LIG1: variants seen among roughly 807,000 people sequenced by gnomAD.
LIG1 encodes the protein ligase I, DNA, ATP-dependent.
Under a neutral mutation model 115.7 loss-of-function variants are expected in LIG1, and 70 were observed. The ratio of observed to expected loss-of-function variants is 0.60; its 90% CI spans 0.50 to 0.74. The LOEUF (loss-of-function observed/expected upper bound fraction) is 0.74, where lower values mean the gene tolerates loss of function less well. Among genes scored for constraint, LIG1 ranks in the 30% least tolerant of loss-of-function variants. LIG1 has a pLI of 0.00. For missense variants in LIG1, 1,115 were observed against 1,225.6 expected (o/e 0.91, Z 1.35); for synonymous variants, 487 against 495.3 (o/e 0.98, Z 0.22).
chr19:48,162,432 CCTTTTTT>C, intron 2 of LIG1, 81 bp from the exon 3 acceptor site: 1 of 921,710 alleles, frequency 1.1e-6, no homozygotes, highest in Admixed American at 2.5e-5. Context: ...CCTATAACTT[CCTTTTTT>C]TTTTTTTTTT....
intron 26 of LIG1, among the ~76,000 whole-genome samples, chr19:48,116,362 C>T (rs541929827): frequency 3.4e-5 from 5 of 145,428 alleles, no homozygotes; most frequent in South Asian, 4.4e-4. Flanking sequence ...AGGAGAATGG[C>T]GTGAATCCGG....
intron 4 of LIG1, among the ~76,000 whole-genome samples, chr19:48,157,791 C>T (rs2035943783): frequency 6.6e-6 from 1 of 152,220 alleles, no homozygotes; most frequent in Non-Finnish European, 1.5e-5. Flanking sequence ...AAGCGATCCT[C>T]CCGCCTTGGC....
At chr19:48,150,239 C>T (rs1279071274) in intron 7 of LIG1, 29 bp from the exon 8 acceptor site, 1 of 1,613,766 alleles carries the variant, frequency 6.2e-7, no homozygotes, top group Non-Finnish European at 8.5e-7. Context: ...GACGGTGATG[C>T]AAACTCTTTG....
intron 20 of LIG1, 160 bp downstream of exon 20, chr19:48,127,750 C>A (rs988629183): frequency 1.8e-5 from 14 of 758,402 alleles, no homozygotes; most frequent in Non-Finnish European, 2.9e-5. Context: ...GATGAGAATG[C>A]GATGGCTGGA....
At chr19:48,143,408 TC>T (rs1262416056) in intron 11 of LIG1, 134 bp downstream of exon 11, 3 of 841,634 alleles carry the variant, frequency 3.6e-6, no homozygotes, top group Non-Finnish European at 6.2e-6. Context: ...ATGTCTGACA[TC>T]CATGATCATA....
intron 2 of LIG1, 47 bp from the exon 3 acceptor site, chr19:48,162,398 A>G (rs1230806178): frequency 2.8e-5 from 37 of 1,333,246 alleles, no homozygotes; most frequent in Non-Finnish European, 3.9e-5. Context: ...AACAGCACCA[A>G]TACCCTGCCT....
chr19:48,149,137 G>A (rs997464870), intron 9 of LIG1, among the ~76,000 whole-genome samples: 5 of 152,274 alleles, frequency 3.3e-5, no homozygotes, highest in Non-Finnish European at 7.4e-5. Context: ...CGGTGAAACT[G>A]TGTCTCTACT....
At chr19:48,131,217 T>A in intron 18 of LIG1, 46 bp from the exon 19 acceptor site, 6 of 1,443,880 alleles carry the variant, frequency 4.2e-6, no homozygotes, top group Non-Finnish European at 5.8e-6. Flanking sequence ...AGTCCCCTCA[T>A]GTGGCCTCAG....
At chr19:48,151,366 G>T in intron 6 of LIG1, 27 bp from the exon 7 acceptor site, 1 of 1,422,186 alleles carries the variant, frequency 7.0e-7, no homozygotes, top group Non-Finnish European at 1.0e-6. Flanking sequence ...CGGTCAGATG[G>T]CAAAAAAATC....
chr19:48,166,815 A>G (rs1487446286), intron 1 of LIG1, among the ~76,000 whole-genome samples: 1 of 151,830 alleles, frequency 6.6e-6, no homozygotes, highest in East Asian at 1.9e-4. Flanking sequence ...TACTAAAAAT[A>G]CAAAAATTAG....
chr19:48,137,089 A>T lies in LIG1; in HGVS notation c.1255-5T>A, dbSNP rs2034440947. 1 of 1,611,806 alleles carries T rather than the reference A, an allele frequency of 6.2e-7. No individual in the cohort carries two copies. The highest frequency in any genetic ancestry group is 2.2e-5 in the East Asian group (1 of 44,816). On this transcript the variant is annotated splice_polypyrimidine_tract_variant and splice_region_variant and intron_variant, in intron 13 of 27. Transcript: ENST00000263274. This position sits in a 1 kb window ranked among gnomAD's most constrained non-coding sequence, Gnocchi z 4.3. ...GTCTATCTTCTTGGCTGTGGACTGGAGAGTCAGGGGAAGAGCCGTCAGTGC... is the reference window on the plus strand; with the variant it reads ...GTCTATCTTCTTGGCTGTGGACTGGTGAGTCAGGGGAAGAGCCGTCAGTGC...
At chr19:48,154,817 C>A (rs1405794079) in intron 5 of LIG1, among the ~76,000 whole-genome samples, 1 of 152,196 alleles carries the variant, frequency 6.6e-6, no homozygotes, top group East Asian at 1.9e-4. Flanking sequence ...ATGGCTGGCA[C>A]TGTCTCTCCC....
At position 48,150,113 on chromosome 19, in the gene LIG1, A is replaced by AC. The variant is rs2035373880; in HGVS notation, c.671_672insG (p.Pro225SerfsTer34). 6.2e-7 allele frequency: 1 copy of AC among 1,613,950 alleles called. No homozygotes were observed. Among genetic ancestry groups the AC allele is most frequent in the African/African-American group, 1.3e-5 (1 of 74,900 alleles). ...TGAAGAAGCTGCTGAGCGTCTTGGG[A>AC]GCTCTGCGGGGAGGCTTGGTCTGCT... is the stretch of plus-strand genomic sequence containing the variant. On this transcript the variant is annotated frameshift_variant, in exon 8 of 28. Coordinates refer to ENST00000263274, the MANE Select transcript of LIG1 (RefSeq NM_000234.3). LOFTEE classifies it high-confidence loss of function.
At chr19:48,155,996 G>A (rs1051255397) in intron 5 of LIG1, among the ~76,000 whole-genome samples, 26 of 152,166 alleles carry the variant, frequency 1.7e-4, no homozygotes, top group Non-Finnish European at 3.4e-4. Flanking sequence ...TAGACCGGAC[G>A]GCAAGGGCTC....
intron 2 of LIG1, among the ~76,000 whole-genome samples, chr19:48,163,071 C>G (rs546742873): frequency 2.0e-5 from 3 of 151,592 alleles, no homozygotes; most frequent in Non-Finnish European, 4.4e-5. Context: ...CCCACCACAA[C>G]GCCCAGCTAA....
chr19:48,123,020 A>G lies in LIG1; in HGVS notation c.2150-4T>C. On this transcript the variant is annotated splice_polypyrimidine_tract_variant and splice_region_variant and intron_variant, in intron 22 of 27. Transcript: ENST00000263274. Reference sequence around the variant, plus strand: ...ACCATCAGCCCCTCGCAGGAGTCTGAGGGAGACACAGAAGCGTGGTCCTTG... The same window carrying G: ...ACCATCAGCCCCTCGCAGGAGTCTGGGGGAGACACAGAAGCGTGGTCCTTG... The G allele has an allele frequency of 6.2e-7, 1 of 1,613,800 alleles. No individual in the cohort carries two copies. The highest frequency in any genetic ancestry group is 1.1e-5 in the South Asian group (1 of 91,060).
rs561293878 is a variant in LIG1 at position 48,163,208 on chromosome 19, G to A, written c.18-857C>T. ...GTTGGGATTACAGGCATGTGCCCCC[G>A]CGCCCAGCCTAAAAAAATTTTTTTT... On this transcript the variant is annotated intron_variant, in intron 2 of 27. Coordinates refer to ENST00000263274, the MANE Select transcript of LIG1 (RefSeq NM_000234.3). Among the ~76,000 whole-genome samples the A allele has an allele frequency of 4.1e-3, 588 of 141,704 alleles. 2 individuals are homozygous for A. The highest frequency in any genetic ancestry group is 0.014 in the African/African-American group (557 of 38,722). 93.0% of individuals were successfully genotyped at this position (141,704 alleles called of 152,430 possible).
Position 48,131,137 on chromosome 19 carries a change from A to T in LIG1, c.1760T>A (p.Phe587Tyr), listed in dbSNP as rs1364050796. 2 of 1,614,052 alleles carry T rather than the reference A, an allele frequency of 1.2e-6. No homozygotes were observed. Among genetic ancestry groups the T allele is most frequent in the Non-Finnish European group, 1.7e-6 (2 of 1,179,988 alleles). ...HALEGGEVKI[F>Y]SRNQEDNTGK... Reference sequence around the variant, plus strand: ...AGTGTTGTCTTCCTGATTCCTGCTGAAGATCTTCACCTCCCCGCCTTCCAG... The same window carrying T: ...AGTGTTGTCTTCCTGATTCCTGCTGTAGATCTTCACCTCCCCGCCTTCCAG... Residue 587 changes from phenylalanine to tyrosine, a missense_variant, in exon 19 of 28, where the codon TTC becomes TAC. Physicochemically the swap from Phe to Tyr is conservative, Grantham distance 22. Coordinates refer to ENST00000263274, the MANE Select transcript of LIG1 (RefSeq NM_000234.3).
intron 6 of LIG1, among the ~76,000 whole-genome samples, 191 bp downstream of exon 6, chr19:48,153,681 C>CACAA (rs2035620978): frequency 1.4e-5 from 2 of 145,130 alleles, no homozygotes; most frequent in Non-Finnish European, 3.0e-5. Flanking sequence ...CACACACACA[C>CACAA]ACACACACAC....
Sources: allele counts gnomAD v4.1 joint callset (sites outside exome capture counted in the v4.1 genomes callset), GRCh38; gene constraint gnomAD v4.1.1; non-coding constraint Gnocchi (gnomAD v3.1); transcripts MANE v1.5; gene names NCBI Gene and HGNC (gene_info 2026-07-23, HGNC 2026-07-21).